EPHB2: variants seen among roughly 807,000 people sequenced by gnomAD.
The protein encoded by EPHB2 is EPH receptor B2.
In EPHB2, 18 loss-of-function variants were observed where a neutral mutation model predicts 96.4. That is an observed-to-expected ratio of 0.19 (90% CI 0.13 to 0.28). EPHB2 has a LOEUF of 0.28. Ranked by LOEUF, EPHB2 falls within the 10% of genes least tolerant of loss-of-function variation. The probability of loss-of-function intolerance (pLI) is 1.00; values close to 1 mark genes in which losing one functional copy is unlikely to be tolerated. For synonymous variants in EPHB2, 506 were observed against 534.1 expected (o/e 0.95, Z 0.72); for missense variants, 989 against 1,355.4 (o/e 0.73, Z 4.25).
rs1441566226 is a variant in EPHB2, at chr1:22,919,023, G to A, written c.*5453G>A. On this transcript the variant is annotated 3_prime_UTR_variant, in exon 16 of 16. Transcript: ENST00000374630. ...TCGCCCACCTGTATCAGAATCTCCT[G>A]GGCTATTTATTGTTTAACTTGCAGA... The A allele has an allele frequency of 6.6e-6, 1 of 152,140 alleles. No homozygotes were observed. Among genetic ancestry groups the A allele is most frequent in the Non-Finnish European group, 1.5e-5 (1 of 68,038 alleles). The allele number at this position is 152,140 out of a possible 1,614,324, so 9.4% of individuals were successfully genotyped here.
At chr1:22,902,354 A>C (rs936074895) in intron 9 of EPHB2, among the ~76,000 whole-genome samples, 1 of 152,226 alleles carries the variant, frequency 6.6e-6, no homozygotes, top group Non-Finnish European at 1.5e-5. Flanking sequence ...ATCTACGCTG[A>C]ATGTATATTC....
At chr1:22,881,385 G>A (rs186239068) in intron 5 of EPHB2, among the ~76,000 whole-genome samples, 15 of 148,624 alleles carry the variant, frequency 1.0e-4, no homozygotes, top group Admixed American at 5.4e-4. Context: ...GTGGCAGAGC[G>A]AGACTCCATC....
At chr1:22,741,701 A>AAAAAAC (rs1643906950) in intron 1 of EPHB2, among the ~76,000 whole-genome samples, 1 of 151,702 alleles carries the variant, frequency 6.6e-6, no homozygotes, top group South Asian at 2.1e-4. Flanking sequence ...AAAAAACAAA[A>AAAAAAC]AACCTCAGTT....
chr1:22,862,905 T>C lies in EPHB2; in HGVS notation c.812-132T>C, dbSNP rs1557719877. 59 of 1,207,720 alleles carry C rather than the reference T, an allele frequency of 4.9e-5. No individual in the cohort carries two copies. The South Asian group carries it at 6.2e-4, about 13-fold the overall frequency. The allele number at this position is 1,207,720 out of a possible 1,614,324, so 74.8% of individuals were successfully genotyped here. On this transcript the variant is annotated intron_variant, in intron 3 of 15. Transcript: ENST00000374630. ...TGGAGACTTCAAACCCTTCAAGAGA[T>C]GAGATTTTCCAGCAGTGGTGCTGCA...
intron 1 of EPHB2, among the ~76,000 whole-genome samples, chr1:22,765,526 G>A (rs1225699247): frequency 1.6e-5 from 2 of 127,252 alleles, no homozygotes; most frequent in African/African-American, 6.1e-5. Flanking sequence ...CGGCCTGGGT[G>A]ACAGAGAGAG....
intron 3 of EPHB2, among the ~76,000 whole-genome samples, chr1:22,834,796 T>G (rs1007338550): frequency 1.3e-5 from 2 of 151,648 alleles, no homozygotes; most frequent in Non-Finnish European, 2.9e-5. Context: ...TGTGGTGGCA[T>G]GCACCTGTAA....
At chr1:22,852,598 G>A (rs1402847540) in intron 3 of EPHB2, among the ~76,000 whole-genome samples, 1 of 152,172 alleles carries the variant, frequency 6.6e-6, no homozygotes, top group Non-Finnish European at 1.5e-5. Context: ...GGGCAATGCG[G>A]GGGTCCAGGG....
chr1:22,763,154 C>T (rs1484007700), intron 1 of EPHB2, among the ~76,000 whole-genome samples: 1 of 152,218 alleles, frequency 6.6e-6, no homozygotes, highest in Admixed American at 6.5e-5. Flanking sequence ...CTGCCTGGGT[C>T]TGGGCCTGTG....
chr1:22,784,580 C>A lies in EPHB2; in HGVS notation c.315C>A (p.Gly105=), dbSNP rs369585313. 28 of 1,614,078 alleles carry A rather than the reference C, an allele frequency of 1.7e-5. No homozygotes were observed. The highest frequency in any genetic ancestry group is 2.4e-5 in the Non-Finnish European group (28 of 1,180,044). The change falls in exon 3 of 16, where the codon GGC becomes GGA. Residue 105 remains glycine, a synonymous_variant. Coordinates refer to ENST00000374630, the MANE Select transcript of EPHB2 (RefSeq NM_017449.5). This position sits in a 1 kb window ranked among gnomAD's most constrained non-coding sequence, Gnocchi z 5.1. Reference sequence around the variant, plus strand: ...GCAGCAGCATCCCCAGCGTGCCTGGCTCCTGCAAGGAGACCTTCAACCTCT... The same window carrying A: ...GCAGCAGCATCCCCAGCGTGCCTGGATCCTGCAAGGAGACCTTCAACCTCT... ...RDCSSIPSVP[G]SCKETFNLYY...
Position 22,858,544 on chromosome 1 carries a change from G to A in EPHB2, c.812-4493G>A, listed in dbSNP as rs139543064. On this transcript the variant is annotated intron_variant, in intron 3 of 15. Transcript: ENST00000374630. The surrounding 1 kb of genome is among the most constrained non-coding windows in gnomAD (Gnocchi z 7.7). ...GAGGCCTTCCCAAGCCCACACGCCC[G>A]TCAGAGGTACAACTGCCTTCCTGTG... 3.5e-3 allele frequency among the ~76,000 whole-genome samples: 533 copies of A among 152,244 alleles called. 12 individuals are homozygous for A. The highest frequency in any genetic ancestry group is 3.7e-3 in the East Asian group (19 of 5,190).
chr1:22,910,323 A>G (rs1640052069), intron 13 of EPHB2, 59 bp from the exon 14 acceptor site: 1 of 1,595,336 alleles, frequency 6.3e-7, no homozygotes, highest in South Asian at 1.1e-5. Flanking sequence ...TGGGCCTGGC[A>G]GAGGGTAGAC....
At chr1:22,738,627 A>G (rs16827484) in intron 1 of EPHB2, among the ~76,000 whole-genome samples, 7,238 of 152,286 alleles carry the variant, frequency 0.048, 206 homozygotes, top group Middle Eastern at 0.082. Flanking sequence ...CTGCAATTCA[A>G]TCATTCATTA....
chr1:22,799,141 A>T (rs1644807290), intron 3 of EPHB2, among the ~76,000 whole-genome samples: 1 of 152,124 alleles, frequency 6.6e-6, no homozygotes, highest in African/African-American at 2.4e-5. Context: ...ACCCCAGCAG[A>T]GCACTTCCCC....
At chr1:22,770,730 G>A (rs1421669940) in intron 1 of EPHB2, among the ~76,000 whole-genome samples, 2 of 152,174 alleles carry the variant, frequency 1.3e-5, no homozygotes, top group Non-Finnish European at 2.9e-5. Flanking sequence ...CTCTCTGAAG[G>A]TTATTTCCCC....
At chr1:22,770,325 A>C (rs7516175) in intron 1 of EPHB2, among the ~76,000 whole-genome samples, 20,427 of 152,138 alleles carry the variant, frequency 0.13, 1,441 homozygotes, top group South Asian at 0.18. Flanking sequence ...AGTAAATTTC[A>C]TGTAGCTAAA....
At chr1:22,749,580 C>T (rs78094595) in intron 1 of EPHB2, among the ~76,000 whole-genome samples, 7,545 of 152,260 alleles carry the variant, frequency 0.05, 260 homozygotes, top group Middle Eastern at 0.099. Context: ...GTGACATCAG[C>T]TCCCATTGCC....
chr1:22,902,580 C>T (rs1176859824), intron 9 of EPHB2, among the ~76,000 whole-genome samples: 1 of 152,218 alleles, frequency 6.6e-6, no homozygotes, highest in Non-Finnish European at 1.5e-5. Flanking sequence ...ACATTCAAGA[C>T]ACGTAGTAAT....
chr1:22,779,330 C>T (rs1557668684), intron 1 of EPHB2, among the ~76,000 whole-genome samples: 1 of 152,192 alleles, frequency 6.6e-6, no homozygotes, highest in Non-Finnish European at 1.5e-5. Context: ...CTGTGCCAGC[C>T]CCCAGTGCAA....
chr1:22,804,147 C>T (rs1412666858), intron 3 of EPHB2, among the ~76,000 whole-genome samples: 2 of 152,178 alleles, frequency 1.3e-5, no homozygotes, highest in African/African-American at 4.8e-5. Flanking sequence ...CTTTTACACT[C>T]AGGACCGCAT....
Sources: allele counts gnomAD v4.1 joint callset (sites outside exome capture counted in the v4.1 genomes callset), GRCh38; gene constraint gnomAD v4.1.1; non-coding constraint Gnocchi (gnomAD v3.1); transcripts MANE v1.5; gene names NCBI Gene and HGNC (gene_info 2026-07-23, HGNC 2026-07-21).